Variants in CD28 observed in about 807,000 individuals in gnomAD.
CD28 encodes the protein CD28 molecule, also known as T-cell-specific surface glycoprotein CD28.
Under a neutral mutation model 21.4 loss-of-function variants are expected in CD28, and 8 were observed. That is an observed-to-expected ratio of 0.37 (90% confidence interval 0.22 to 0.68). The LOEUF (loss-of-function observed/expected upper bound fraction) is 0.68. CD28 is among the 30% of genes least tolerant of loss of function. The pLI, the probability that CD28 is intolerant of heterozygous loss-of-function variation, is 0.55. For synonymous variants in CD28, 106 were observed against 104.0 expected (o/e 1.02, Z -0.12); for missense variants, 239 against 272.2 (o/e 0.88, Z 0.86).
chr2:203,737,255 G>A lies in CD28; in HGVS notation c.*2343G>A, dbSNP rs201273738. 28 of 152,248 alleles carry A rather than the reference G, an allele frequency of 1.8e-4. No individual in the cohort carries two copies. Among genetic ancestry groups the A allele is most frequent in the African/African-American group, 5.8e-4 (24 of 41,538 alleles). The allele number at this position is 152,248 out of a possible 1,614,324, so 9.4% of individuals were successfully genotyped here. Reference sequence around the variant, plus strand: ...ATTCCATGGATTTAATCAGTCCCAAGAAGATCAAACTCAGCAGTACTTGGG... The same window carrying A: ...ATTCCATGGATTTAATCAGTCCCAAAAAGATCAAACTCAGCAGTACTTGGG... On this transcript the variant is annotated 3_prime_UTR_variant, in exon 4 of 4. Coordinates refer to ENST00000324106, the MANE Select transcript of CD28 (RefSeq NM_006139.4).
chr2:203,730,482 C>T (rs927366331), intron 3 of CD28, among the ~76,000 whole-genome samples: 2 of 152,190 alleles, frequency 1.3e-5, no homozygotes, highest in Non-Finnish European at 2.9e-5. Context: ...CAGTTAAGAA[C>T]GTACCCCTGA....
At chr2:203,712,970 G>A (rs988883804) in intron 1 of CD28, among the ~76,000 whole-genome samples, 1 of 152,164 alleles carries the variant, frequency 6.6e-6, no homozygotes, top group Non-Finnish European at 1.5e-5. Flanking sequence ...AGCACAGAGT[G>A]GGTAGAGCAT....
At chr2:203,709,924 G>A (rs1160805224) in intron 1 of CD28, among the ~76,000 whole-genome samples, 2 of 152,108 alleles carry the variant, frequency 1.3e-5, no homozygotes, top group Non-Finnish European at 2.9e-5. Flanking sequence ...CCTTCCCTTA[G>A]CGCTTATTTT....
chr2:203,712,366 C>G (rs933774659), intron 1 of CD28, among the ~76,000 whole-genome samples: 1 of 152,146 alleles, frequency 6.6e-6, no homozygotes, highest in African/African-American at 2.4e-5. Flanking sequence ...TTGGCAGTCA[C>G]TACCTCACCA....
At chr2:203,732,076 G>A (rs187301027) in intron 3 of CD28, among the ~76,000 whole-genome samples, 7 of 152,216 alleles carry the variant, frequency 4.6e-5, no homozygotes, top group African/African-American at 9.6e-5. Context: ...TGCTGAGTTG[G>A]GCATCTAGGC....
intron 3 of CD28, among the ~76,000 whole-genome samples, chr2:203,731,686 C>A (rs753193606): frequency 6.6e-6 from 1 of 151,030 alleles, no homozygotes; most frequent in African/African-American, 2.5e-5. Context: ...CCCAAAGGGA[C>A]AAAAGCAGCT....
Position 203,738,661 on chromosome 2 carries a change from G to T in CD28, c.*3749G>T, listed in dbSNP as rs1028467122. ...TAGAATGTCCTTCTGTAGATGACCT[G>T]GCTTGCCTCGTCACCCTTCAGGTCC... On this transcript the variant is annotated 3_prime_UTR_variant, in exon 4 of 4. Transcript: ENST00000324106. 2 of 152,154 alleles carry T rather than the reference G, an allele frequency of 1.3e-5. No individual in the cohort carries two copies. The highest frequency in any genetic ancestry group is 4.8e-5 in the African/African-American group (2 of 41,430). The allele number at this position is 152,154 out of a possible 1,614,324, so 9.4% of individuals were successfully genotyped here. A position where few individuals can be genotyped will look rare whatever the true frequency, so the allele number is the denominator to read the frequency against.
chr2:203,727,596 CAG>C (rs1693787541), intron 2 of CD28, among the ~76,000 whole-genome samples: 2 of 150,458 alleles, frequency 1.3e-5, no homozygotes, highest in African/African-American at 4.9e-5. Context: ...TCTCCTGCCT[CAG>C]CCTCCCGATC....
At position 203,736,680 on chromosome 2, in the gene CD28, G is replaced by C. The variant is rs964922674; in HGVS notation, c.*1768G>C. 6.6e-6 allele frequency: 1 copy of C among 152,216 alleles called. No homozygotes were observed. The highest frequency in any genetic ancestry group is 1.5e-5 in the Non-Finnish European group (1 of 68,048). 9.4% of individuals were successfully genotyped at this position (152,216 alleles called of 1,614,324 possible). On this transcript the variant is annotated 3_prime_UTR_variant, in exon 4 of 4. Transcript: ENST00000324106. Reference sequence around the variant, plus strand: ...TGCTTCAGTTAATTCAGGTGTTGAAGGAGCTTAGGTTTTAGAGGCACGTAG... The same window carrying C: ...TGCTTCAGTTAATTCAGGTGTTGAACGAGCTTAGGTTTTAGAGGCACGTAG...
intron 3 of CD28, among the ~76,000 whole-genome samples, chr2:203,733,387 T>C (rs1381411553): frequency 6.6e-6 from 1 of 152,014 alleles, no homozygotes. Flanking sequence ...CAGCTGTATA[T>C]ATGGTAGTGT....
intron 1 of CD28, among the ~76,000 whole-genome samples, chr2:203,712,674 A>T (rs1693349651): frequency 6.6e-6 from 1 of 152,384 alleles, no homozygotes; most frequent in South Asian, 2.1e-4. Context: ...GAAGAAAGAA[A>T]TGAATGAATT....
intron 1 of CD28, among the ~76,000 whole-genome samples, chr2:203,717,437 C>T (rs867186285): frequency 1.3e-5 from 2 of 152,192 alleles, no homozygotes; most frequent in Non-Finnish European, 1.5e-5. Context: ...TGGTCTCTTT[C>T]GACCTAAGGG....
chr2:203,718,327 C>A (rs1693517002), intron 1 of CD28, among the ~76,000 whole-genome samples: 1 of 152,088 alleles, frequency 6.6e-6, no homozygotes, highest in South Asian at 2.1e-4. Flanking sequence ...TGAAGGGCAT[C>A]CTGGGCCTGA....
rs754393901 is a variant in CD28, at chr2:203,729,710, G to C, written c.472G>C (p.Val158Leu). 7 of 1,613,984 alleles carry C rather than the reference G, an allele frequency of 4.3e-6. No individual in the cohort carries two copies. In the Admixed American group the frequency reaches 1.0e-4, roughly 23 times the overall value. Reference sequence around the variant, plus strand: ...TTCTAAGCCCTTTTGGGTGCTGGTGGTGGTTGGTGGAGTCCTGGCTTGCTA... The same window carrying C: ...TTCTAAGCCCTTTTGGGTGCTGGTGCTGGTTGGTGGAGTCCTGGCTTGCTA... ...GPSKPFWVLV[V>L]VGGVLACYSL... The change falls in exon 3 of 4, where the codon GTG (valine) becomes CTG (leucine). Residue 158 changes from valine (V) to leucine (L), a missense_variant. Around this residue, in one of 3 missense-constraint regions of CD28, gnomAD observed 112 missense variants for 112.8 expected, o/e 0.99. Transcript: ENST00000324106.
chr2:203,710,150 A>T (rs988275088), intron 1 of CD28, among the ~76,000 whole-genome samples: 3 of 152,226 alleles, frequency 2.0e-5, no homozygotes, highest in Admixed American at 1.3e-4. Flanking sequence ...AAAAATCAAC[A>T]GATTGCCGTA....
intron 1 of CD28, among the ~76,000 whole-genome samples, chr2:203,725,291 CA>C (rs1173850801): frequency 1.3e-5 from 1 of 74,166 alleles, no homozygotes; most frequent in East Asian, 6.6e-4. Flanking sequence ...ACTCCGTCTC[CA>C]GAAAAAAAAA....
chr2:203,729,077 T>G (rs1693823228), intron 2 of CD28, among the ~76,000 whole-genome samples: 1 of 152,202 alleles, frequency 6.6e-6, no homozygotes, highest in Non-Finnish European at 1.5e-5. Flanking sequence ...AGTTCTAATT[T>G]TCTCTAATTT....
At chr2:203,714,820 G>A (rs945780004) in intron 1 of CD28, among the ~76,000 whole-genome samples, 1 of 152,196 alleles carries the variant, frequency 6.6e-6, no homozygotes, top group African/African-American at 2.4e-5. Flanking sequence ...CCCTTGCAGG[G>A]ATTGCTAACC....
chr2:203,709,062 C>G (rs1693242162), intron 1 of CD28, among the ~76,000 whole-genome samples: 1 of 151,532 alleles, frequency 6.6e-6, no homozygotes, highest in African/African-American at 2.4e-5. Context: ...GCGGAGGTTG[C>G]TGTGAACTTA....
Sources: gnomAD v4.1 joint callset for allele counts (sites outside exome capture counted in the v4.1 genomes callset) on GRCh38, gnomAD v4.1.1 for gene constraint, gnomAD v4.1.1 regional missense constraint, MANE v1.5 for transcripts, NCBI Gene and HGNC (gene_info 2026-07-23, HGNC 2026-07-21) for gene names.